The following SOX8 variants were observed in gnomAD, a reference collection of about 807,000 sequenced individuals.
SOX8 encodes the protein SRY-box transcription factor 8.
In SOX8, 9 loss-of-function variants were observed where a neutral mutation model predicts 22.9. The observed-to-expected ratio is 0.39, with a 90% CI of 0.24 to 0.69. The LOEUF is 0.69. Among genes scored for constraint, SOX8 ranks in the 30% least tolerant of loss-of-function variants. The probability of loss-of-function intolerance (pLI) is 0.43; values close to 1 mark genes in which losing one functional copy is unlikely to be tolerated. For synonymous variants in SOX8, 416 were observed against 330.6 expected, an observed-to-expected ratio of 1.26 and a Z score of -2.80; for missense variants, 734 against 699.4, an observed-to-expected ratio of 1.05 and a Z score of -0.56.
chr16:983,620 C>T lies in SOX8; in HGVS notation c.423-108C>T, dbSNP rs949643874. On this transcript the variant is annotated intron_variant, in intron 1 of 2. Transcript: ENST00000293894. ...CGCACGGCAGGCGGGTTTCCCTGGT[C>T]AGAGCCTCCTGGCCCCGGCCTCTGC... is the stretch of plus-strand genomic sequence containing the variant. 2.8e-6 allele frequency: 3 copies of T among 1,058,212 alleles called. No individual in the cohort carries two copies. In the Admixed American group the frequency reaches 8.0e-5, roughly 28 times the overall value. 65.6% of individuals were successfully genotyped at this position (1,058,212 alleles called of 1,614,324 possible). A position where few individuals can be genotyped will look rare whatever the true frequency, so the allele number is the denominator to read the frequency against.
chr16:984,717 G>C lies in SOX8; in HGVS notation c.672G>C (p.Pro224=), dbSNP rs373852161. 5.8e-6 allele frequency: 9 copies of C among 1,543,350 alleles called. No individual in the cohort carries two copies. Among genetic ancestry groups the C allele is most frequent in the Admixed American group, 1.9e-5 (1 of 52,086 alleles). Residue 224 remains proline (P), a synonymous_variant, in exon 3 of 3, where the codon CCG becomes CCC. Coordinates refer to ENST00000293894, the MANE Select transcript of SOX8 (RefSeq NM_014587.5). ...HGDHTGQTHG[P]PTPPTTPKTE... ...TGTCCCCAGGGCAGACCCACGGGCC[G>C]CCCACCCCGCCCACCACCCCCAAGA...
In SOX8 at chr16:985,816, C is replaced by G. The variant is rs1310086224; in HGVS notation, c.*430C>G. 1 of 168,242 alleles carries G rather than the reference C, an allele frequency of 5.9e-6. No individual in the cohort carries two copies. The highest frequency in any genetic ancestry group is 1.7e-4 in the East Asian group (1 of 5,792). The allele number at this position is 168,242 out of a possible 1,614,324, so 10.4% of individuals were successfully genotyped here. The stretch of plus-strand genomic sequence containing the variant: ...GCCCCTGCACTCAAGGCCACATTCC[C>G]TCGACAACGGCTGCACGGGCTGTCC... On this transcript the variant is annotated 3_prime_UTR_variant, in exon 3 of 3. Transcript: ENST00000293894.
rs540793189 is a variant in SOX8 at position 982,489 on chromosome 16, G to C, written c.422+145G>C. ...GCTCTGCACCCCGGGCGGGTGTCAG[G>C]GCGGGTCCCAGTGGAAAAACATCCT... On this transcript the variant is annotated intron_variant, in intron 1 of 2. Transcript: ENST00000293894. The C allele has an allele frequency of 2.1e-4, 198 of 927,470 alleles. 1 individual carries two copies. The African/African-American group carries it at 3.2e-3, about 15-fold the overall frequency. The allele number at this position is 927,470 out of a possible 1,614,324, so 57.5% of individuals were successfully genotyped here. A position where few individuals can be genotyped will look rare whatever the true frequency, so the allele number is the denominator to read the frequency against.
chr16:981,833 C>T lies in SOX8; in HGVS notation c.-90C>T. On this transcript the variant is annotated 5_prime_UTR_variant, in exon 1 of 3. Coordinates refer to ENST00000293894, the MANE Select transcript of SOX8 (RefSeq NM_014587.5). ...GGCGAGGGTCGGGGCCACCGCGCGG[C>T]GACCTCGGGTCCCGGAGCGACCGCA... The T allele has an allele frequency of 2.6e-6, 2 of 767,426 alleles. No homozygotes were observed. The highest frequency in any genetic ancestry group is 3.2e-6 in the Non-Finnish European group (2 of 616,814). The allele number at this position is 767,426 out of a possible 1,614,324, so 47.5% of individuals were successfully genotyped here.
At position 986,615 on chromosome 16, in the gene SOX8, C is replaced by T. The variant is rs2073464395; in HGVS notation, c.*1229C>T. On this transcript the variant is annotated 3_prime_UTR_variant, in exon 3 of 3. Coordinates refer to ENST00000293894, the MANE Select transcript of SOX8 (RefSeq NM_014587.5). ...GGGCCTCAGTTCTAGACGAGTCATA[C>T]CTGATTCACCTGCACTGCTTCCCCT... The T allele has an allele frequency of 6.6e-6, 1 of 152,464 alleles. No homozygotes were observed. The highest frequency in any genetic ancestry group is 2.1e-4 in the South Asian group (1 of 4,830). 9.4% of individuals were successfully genotyped at this position (152,464 alleles called of 1,614,324 possible).
chr16:982,652 G>A, intron 1 of SOX8: 1 of 296,654 alleles, frequency 3.4e-6, no homozygotes, highest in Non-Finnish European at 6.2e-6. Context: ...GCCATGGCTG[G>A]CACCCCGACG....
intron 2 of SOX8, among the ~76,000 whole-genome samples, 166 bp from the exon 3 acceptor site, chr16:984,535 G>A (rs2073437095): frequency 6.6e-6 from 1 of 152,240 alleles, no homozygotes; most frequent in Non-Finnish European, 1.5e-5. Flanking sequence ...GCCGAGGAGT[G>A]AGGTCTAGGT....
rs1208075678 is a variant in SOX8, at chr16:986,544, C to G, written c.*1158C>G. 3 of 152,410 alleles carry G rather than the reference C, an allele frequency of 2.0e-5. No individual in the cohort carries two copies. Among genetic ancestry groups the G allele is most frequent in the Non-Finnish European group, 2.9e-5 (2 of 68,046 alleles). 9.4% of individuals were successfully genotyped at this position (152,410 alleles called of 1,614,324 possible). The stretch of plus-strand genomic sequence containing the variant: ...GATCTTGGCTCGCAGGCACCAGTGC[C>G]ACCTACCAAGCTGTGAAACTAAACC... On this transcript the variant is annotated 3_prime_UTR_variant, in exon 3 of 3. Coordinates refer to ENST00000293894, the MANE Select transcript of SOX8 (RefSeq NM_014587.5).
At position 983,928 on chromosome 16, in the gene SOX8, T is replaced by C. The variant is rs757784527; in HGVS notation, c.623T>C (p.Leu208Pro). The change falls in exon 2 of 3, where the codon CTT (leucine) becomes CCT (proline). Residue 208 changes from leucine to proline, a missense_variant. Physicochemically the swap from Leu to Pro is moderately conservative, Grantham distance 98. Around this residue, in one of 3 missense-constraint regions of SOX8, gnomAD observed 588 missense variants for 568.2 expected, o/e 1.03. Transcript: ENST00000293894. ...GGAVYKAEAG[L>P]GDGHHHGDHT... ...GCCGTGTACAAGGCTGAAGCAGGGC[T>C]TGGAGATGGGCACCACCATGGCGAC... is the stretch of plus-strand genomic sequence containing the variant. 7 of 1,568,176 alleles carry C rather than the reference T, an allele frequency of 4.5e-6. No individual in the cohort carries two copies. Among genetic ancestry groups the C allele is most frequent in the Non-Finnish European group, 6.1e-6 (7 of 1,154,712 alleles).
In SOX8 at chr16:984,751, C is replaced by T. The variant is rs1474157051; in HGVS notation, c.706C>T (p.Gln236Ter). 1 of 1,581,826 alleles carries T rather than the reference C, an allele frequency of 6.3e-7. No individual in the cohort carries two copies. The highest frequency in any genetic ancestry group is 8.6e-7 in the Non-Finnish European group (1 of 1,164,956). Reference protein sequence around the residue: ...TPPTTPKTELQQAGAKPELKL... With the variant: ...TPPTTPKTEL ...GCCCACCACCCCCAAGACGGAGCTG[C>T]AGCAGGCGGGCGCCAAGCCGGAGCT... Residue 236 changes from glutamine (Q) to a stop codon, truncating the protein, a stop_gained, in exon 3 of 3, where the codon CAG becomes TAG. Coordinates refer to ENST00000293894, the MANE Select transcript of SOX8 (RefSeq NM_014587.5). LOFTEE classifies it low-confidence loss of function (END_TRUNC).
At position 983,571 on chromosome 16, in the gene SOX8, C is replaced by T. The variant is rs1213958411; in HGVS notation, c.423-157C>T. 43 of 617,756 alleles carry T rather than the reference C, an allele frequency of 7.0e-5. No homozygotes were observed. The East Asian group carries it at 1.2e-3, about 18-fold the overall frequency. The allele number at this position is 617,756 out of a possible 1,614,324, so 38.3% of individuals were successfully genotyped here. A position where few individuals can be genotyped will look rare whatever the true frequency, so the allele number is the denominator to read the frequency against. ...CGGTTCTCCCAGAGGAGTGTACTGC[C>T]TGGTGCCACGGGAGGCTCCGGAGCG... On this transcript the variant is annotated intron_variant, in intron 1 of 2. Transcript: ENST00000293894.
rs372363740 is a variant in SOX8 at position 984,982 on chromosome 16, T to A, written c.937T>A (p.Ser313Thr). ...GGGCGCCTACTTCCACGCCGGGGCG[T>A]CCCCCGTGTGGGCCCACAAGAGTGC... The part of the protein sequence containing the change: ...YGGAYFHAGA[S>T]PVWAHKSAPS... Residue 313 changes from serine (S) to threonine (T), a missense_variant, in exon 3 of 3, where the codon TCC (serine) becomes ACC (threonine). Physicochemically the swap from Ser to Thr is moderately conservative, Grantham distance 58. Around this residue, in one of 3 missense-constraint regions of SOX8, gnomAD observed 588 missense variants for 568.2 expected, o/e 1.03. Coordinates refer to ENST00000293894, the MANE Select transcript of SOX8 (RefSeq NM_014587.5). 6.3e-7 allele frequency: 1 copy of A among 1,585,148 alleles called. No homozygotes were observed. The highest frequency in any genetic ancestry group is 1.4e-5 in the African/African-American group (1 of 73,208).
chr16:985,694 G>A lies in SOX8; in HGVS notation c.*308G>A, dbSNP rs994020279. 11 of 362,876 alleles carry A rather than the reference G, an allele frequency of 3.0e-5. No homozygotes were observed. The highest frequency in any genetic ancestry group is 4.5e-5 in the Non-Finnish European group (9 of 201,192). The allele number at this position is 362,876 out of a possible 1,614,324, so 22.5% of individuals were successfully genotyped here. A position where few individuals can be genotyped will look rare whatever the true frequency, so the allele number is the denominator to read the frequency against. On this transcript the variant is annotated 3_prime_UTR_variant, in exon 3 of 3. Transcript: ENST00000293894. ...ACCAGCACCTTCGCTTTGCATCTCG[G>A]TAGAGGAGAAACGGCAGCACAGCCC... is the stretch of plus-strand genomic sequence containing the variant.
intron 1 of SOX8, chr16:982,740 G>A (rs1332671037): frequency 5.6e-6 from 1 of 180,054 alleles, no homozygotes; most frequent in Non-Finnish European, 1.2e-5. Context: ...CGGCTCTCTG[G>A]AGGTGCTCCC....
rs568690869 is a variant in SOX8, at chr16:985,707, G to A, written c.*321G>A. The A allele has an allele frequency of 8.7e-5, 28 of 323,614 alleles. No individual in the cohort carries two copies. Among genetic ancestry groups the A allele is most frequent in the Middle Eastern group, 8.5e-4 (1 of 1,178 alleles). The allele number at this position is 323,614 out of a possible 1,614,324, so 20.0% of individuals were successfully genotyped here. Reference sequence around the variant, plus strand: ...CTTTGCATCTCGGTAGAGGAGAAACGGCAGCACAGCCCAAGGACCAAAGGA... The same window carrying A: ...CTTTGCATCTCGGTAGAGGAGAAACAGCAGCACAGCCCAAGGACCAAAGGA... On this transcript the variant is annotated 3_prime_UTR_variant, in exon 3 of 3. Coordinates refer to ENST00000293894, the MANE Select transcript of SOX8 (RefSeq NM_014587.5).
Position 985,277 on chromosome 16 carries a change from C to T in SOX8, c.1232C>T (p.Pro411Leu), listed in dbSNP as rs375878197. The change falls in exon 3 of 3, where the codon CCG (proline) becomes CTG (leucine). Residue 411 changes from proline (P) to leucine (L), a missense_variant. Physicochemically the swap from Pro to Leu is moderately conservative, Grantham distance 98. Coordinates refer to ENST00000293894, the MANE Select transcript of SOX8 (RefSeq NM_014587.5). Reference protein sequence around the residue: ...GLYQYPCFHSPRRPYASPLLN... With the variant: ...GLYQYPCFHSLRRPYASPLLN... ...TACCAGTACCCCTGCTTCCACTCGCCGCGCCGGCCCTACGCCTCACCCCTG... is the reference window on the plus strand; with the variant it reads ...TACCAGTACCCCTGCTTCCACTCGCTGCGCCGGCCCTACGCCTCACCCCTG... The T allele has an allele frequency of 3.5e-5, 57 of 1,611,622 alleles. No homozygotes were observed. The East Asian group carries it at 4.7e-4, about 13-fold the overall frequency.
rs944258787 is a variant in SOX8 at position 982,312 on chromosome 16, C to G, written c.390C>G (p.Ala130=). ...ACCAGTACCCGCACCTGCACAACGC[C>G]GAGCTCAGCAAGACGCTGGGCAAGC... is the stretch of plus-strand genomic sequence containing the variant. The part of the protein sequence containing the change: ...LADQYPHLHN[A]ELSKTLGKLW... The change falls in exon 1 of 3, where the codon GCC becomes GCG. Residue 130 remains alanine, a synonymous_variant. Transcript: ENST00000293894. 4 of 1,431,364 alleles carry G rather than the reference C, an allele frequency of 2.8e-6. No individual in the cohort carries two copies. The highest frequency in any genetic ancestry group is 3.1e-5 in the South Asian group (2 of 64,270). 88.7% of individuals were successfully genotyped at this position (1,431,364 alleles called of 1,614,324 possible). A position where few individuals can be genotyped will look rare whatever the true frequency, so the allele number is the denominator to read the frequency against.
chr16:982,475 CGGGCGGGTGTCA>C (rs1405352662), intron 1 of SOX8, 131 bp downstream of exon 1: 19 of 1,019,760 alleles, frequency 1.9e-5, no homozygotes, highest in Non-Finnish European at 2.4e-5. Context: ...CTCTGCACCC[CGGGCGGGTGTCA>C]GGGCGGGTCC....
At chr16:984,092 C>T in intron 2 of SOX8, 132 bp downstream of exon 2, 1 of 826,610 alleles carries the variant, frequency 1.2e-6, no homozygotes, top group Non-Finnish European at 1.8e-6. Context: ...CCCCGGGTTC[C>T]CTGAAAAAGC....
Sources: gnomAD v4.1 joint callset for allele counts (sites outside exome capture counted in the v4.1 genomes callset) on GRCh38, gnomAD v4.1.1 for gene constraint, gnomAD v4.1.1 regional missense constraint, MANE v1.5 for transcripts, NCBI Gene and HGNC (gene_info 2026-07-23, HGNC 2026-07-21) for gene names.